Variants in ELAVL2 observed in about 807,000 individuals in gnomAD.
The protein encoded by ELAVL2 is ELAV like RNA binding protein 2.
A neutral mutation model predicts 34.6 loss-of-function variants in ELAVL2; 4 were observed. The ratio of observed to expected loss-of-function variants is 0.12; its 90% CI spans 0.06 to 0.26. The LOEUF (loss-of-function observed/expected upper bound fraction) is 0.26. Ranked by LOEUF, ELAVL2 falls within the 10% of genes least tolerant of loss-of-function variation. ELAVL2 has a pLI of 1.00. For synonymous variants in ELAVL2, 193 were observed against 154.8 expected (o/e 1.25, Z -1.83); for missense variants, 432 against 442.8 (o/e 0.98, Z 0.22).
intron 3 of ELAVL2, among the ~76,000 whole-genome samples, 161 bp downstream of exon 3, chr9:23,730,857 GAACA>G (rs142475940): frequency 1.2e-3 from 177 of 152,126 alleles, no homozygotes; most frequent in African/African-American, 3.5e-3. Flanking sequence ...TAGCACTCTT[GAACA>G]AACAGTTTCT....
chr9:23,708,593 C>A (rs1034325518), intron 3 of ELAVL2, among the ~76,000 whole-genome samples: 2 of 152,234 alleles, frequency 1.3e-5, no homozygotes, highest in African/African-American at 4.8e-5. Flanking sequence ...CACAGAGAAA[C>A]TGGCCACAGA....
At chr9:23,811,602 A>T (rs918762662) in intron 1 of ELAVL2, among the ~76,000 whole-genome samples, 1 of 152,224 alleles carries the variant, frequency 6.6e-6, no homozygotes, top group African/African-American at 2.4e-5. Flanking sequence ...AAAAAGTTGT[A>T]ATTATTTTGA....
At chr9:23,725,307 C>T (rs1239760527) in intron 3 of ELAVL2, among the ~76,000 whole-genome samples, 4 of 152,134 alleles carry the variant, frequency 2.6e-5, no homozygotes, top group South Asian at 4.1e-4. Context: ...TTCCCACACT[C>T]GCCTCCCATC....
chr9:23,714,216 C>A (rs761894431), intron 3 of ELAVL2, among the ~76,000 whole-genome samples: 1 of 152,060 alleles, frequency 6.6e-6, no homozygotes, highest in Non-Finnish European at 1.5e-5. Flanking sequence ...ATCATCATCC[C>A]CAATTTATGG....
chr9:23,699,812 G>GTTTTTT lies in ELAVL2; in HGVS notation c.713+1561_713+1566dup, dbSNP rs199637833. ...CCATGGGAAGTCAAAGGTGGCAAAG[G>GTTTTTT]TTTTTTTTTTTTTTTTTTTTTTTTT... On this transcript the variant is annotated intron_variant, in intron 5 of 6. Transcript: ENST00000397312. Among the ~76,000 whole-genome samples, 325 of 82,934 alleles carry GTTTTTT rather than the reference G, an allele frequency of 3.9e-3. 35 individuals are homozygous for GTTTTTT. Among genetic ancestry groups the GTTTTTT allele is most frequent in the East Asian group, 8.5e-3 (19 of 2,228 alleles). The allele number at this position is 82,934 out of a possible 152,430, so 54.4% of individuals were successfully genotyped here.
intron 1 of ELAVL2, among the ~76,000 whole-genome samples, chr9:23,768,775 A>G (rs1034561787): frequency 1.3e-5 from 2 of 152,202 alleles, no homozygotes; most frequent in African/African-American, 4.8e-5. Flanking sequence ...GGGCATGTGG[A>G]ATTTGGGTCC....
At chr9:23,831,003 A>T (rs181515006), upstream of ELAVL2, among the ~76,000 whole-genome samples, 1 of 152,296 alleles carries the variant, frequency 6.6e-6, no homozygotes, top group African/African-American at 2.4e-5. Context: ...TTCCCCCTGG[A>T]GCCGATACAT....
chr9:23,704,802 C>T, intron 4 of ELAVL2, 116 bp downstream of exon 4: 2 of 1,326,394 alleles, frequency 1.5e-6, no homozygotes, highest in East Asian at 4.6e-5. Flanking sequence ...CATTTTCTGG[C>T]CCACATATAC....
At chr9:23,708,382 G>A (rs1013882637) in intron 3 of ELAVL2, among the ~76,000 whole-genome samples, 3 of 152,122 alleles carry the variant, frequency 2.0e-5, no homozygotes, top group Non-Finnish European at 4.4e-5. Context: ...GGGGAAACAG[G>A]CACAGACAAG....
chr9:23,824,198 C>G lies in ELAVL2; in HGVS notation c.-16+1608G>C, dbSNP rs116451668. On this transcript the variant is annotated intron_variant, in intron 1 of 6. Coordinates refer to ENST00000397312, the MANE Select transcript of ELAVL2 (RefSeq NM_004432.5). ...TCGCCATCAGTTTTGCTAACCGGTA[C>G]TTGAAAATGGGAAACGGGGAACTTA... 6.6e-3 allele frequency among the ~76,000 whole-genome samples: 1,009 copies of G among 152,314 alleles called. 12 individuals carry two copies. The highest frequency in any genetic ancestry group is 0.023 in the African/African-American group (952 of 41,566).
At chr9:23,766,111 A>G (rs900370370) in intron 1 of ELAVL2, among the ~76,000 whole-genome samples, 4 of 152,244 alleles carry the variant, frequency 2.6e-5, no homozygotes, top group African/African-American at 9.6e-5. Flanking sequence ...TAAAAATTTT[A>G]TCCTGAGAGG....
At chr9:23,702,076 A>G (rs2037454057) in intron 4 of ELAVL2, among the ~76,000 whole-genome samples, 1 of 152,188 alleles carries the variant, frequency 6.6e-6, no homozygotes, top group Non-Finnish European at 1.5e-5. Flanking sequence ...TATGCTAAAA[A>G]TACATACACT....
intron 3 of ELAVL2, among the ~76,000 whole-genome samples, chr9:23,708,680 T>C (rs2133538743): frequency 6.6e-6 from 1 of 152,348 alleles, no homozygotes; most frequent in East Asian, 1.9e-4. Flanking sequence ...TCTCACTCTG[T>C]TGCTCAGGCT....
intron 3 of ELAVL2, among the ~76,000 whole-genome samples, chr9:23,729,519 T>C (rs1230440809): frequency 2.0e-5 from 3 of 152,106 alleles, no homozygotes; most frequent in Admixed American, 2.0e-4. Flanking sequence ...GAAAAAGCAG[T>C]TCAGACTGAA....
intron 1 of ELAVL2, among the ~76,000 whole-genome samples, chr9:23,773,528 T>C (rs1048215546): frequency 6.6e-6 from 1 of 152,100 alleles, no homozygotes; most frequent in African/African-American, 2.4e-5. Flanking sequence ...ATGTTACAGA[T>C]GAAAAATGAA....
chr9:23,827,590 G>A (rs948946670), upstream of ELAVL2, among the ~76,000 whole-genome samples: 2 of 151,482 alleles, frequency 1.3e-5, no homozygotes, highest in Admixed American at 1.3e-4. Flanking sequence ...TTAACCAGAG[G>A]CACATGCCTT....
intron 1 of ELAVL2, among the ~76,000 whole-genome samples, chr9:23,776,230 C>T (rs16907722): frequency 0.022 from 3,407 of 152,256 alleles, 213 homozygotes; most frequent in Admixed American, 0.13. Context: ...CATCTCTTTC[C>T]GCATATAGCT....
chr9:23,693,418 AT>A, intron 6 of ELAVL2, 29 bp downstream of exon 6: 1 of 1,613,604 alleles, frequency 6.2e-7, no homozygotes, highest in Admixed American at 1.7e-5. Context: ...GTGGAAAGGG[AT>A]TATGAGTATC....
chr9:23,723,508 T>A (rs2044280263), intron 3 of ELAVL2, among the ~76,000 whole-genome samples: 1 of 151,900 alleles, frequency 6.6e-6, no homozygotes. Context: ...GGCACATGTA[T>A]ACATATGTAA....
Sources: gnomAD v4.1 joint callset for allele counts (sites outside exome capture counted in the v4.1 genomes callset) on GRCh38, gnomAD v4.1.1 for gene constraint, MANE v1.5 for transcripts, NCBI Gene and HGNC (gene_info 2026-07-23, HGNC 2026-07-21) for gene names.